Variants in SH2D5 observed in about 807,000 individuals in gnomAD.
The protein encoded by SH2D5 is SH2 domain-containing protein 5.
In SH2D5, 45 loss-of-function variants were observed where a neutral mutation model predicts 48.2. The observed-to-expected ratio is 0.93, with a 90% CI of 0.73 to 1.20. The LOEUF (loss-of-function observed/expected upper bound fraction) is 1.20. SH2D5 is among the 50% of genes most tolerant of loss of function. SH2D5 has a pLI of 0.00. For missense variants in SH2D5, 538 were observed against 584.1 expected, an observed-to-expected ratio of 0.92 and a Z score of 0.81; for synonymous variants, 230 against 249.8, an observed-to-expected ratio of 0.92 and a Z score of 0.75.
At position 20,726,993 on chromosome 1, in the gene SH2D5, G is replaced by A. The variant is rs754179213; in HGVS notation, c.243+8C>T. The A allele has an allele frequency of 4.4e-6, 7 of 1,608,198 alleles. No homozygotes were observed. The highest frequency in any genetic ancestry group is 1.6e-4 in the Middle Eastern group (1 of 6,064). On this transcript the variant is annotated splice_region_variant and intron_variant, in intron 4 of 9. Coordinates refer to ENST00000444387, the MANE Select transcript of SH2D5 (RefSeq NM_001103161.2). ...CCAGTCCTCACCTGCACCCACAGGG[G>A]TTCCTACCTCACCCTCCCCGCTGTA...
intron 8 of SH2D5, 51 bp from the exon 9 acceptor site, chr1:20,722,966 T>C: frequency 1.4e-6 from 2 of 1,448,866 alleles, no homozygotes; most frequent in East Asian, 2.6e-5. Context: ...TCCTGGGCAA[T>C]GGTCATGAGG....
chr1:20,727,726 C>G, intron 2 of SH2D5, 123 bp from the exon 3 acceptor site: 1 of 1,023,016 alleles, frequency 9.8e-7, no homozygotes, highest in Non-Finnish European at 1.4e-6. Flanking sequence ...ACAGACAGAG[C>G]TCGATTCTCG....
intron 6 of SH2D5, 36 bp downstream of exon 6, chr1:20,724,360 G>A (rs770223620): frequency 1.2e-6 from 2 of 1,607,072 alleles, no homozygotes; most frequent in Non-Finnish European, 1.7e-6. Flanking sequence ...CAGTTCCCTT[G>A]TCCACTGCCC....
intron 5 of SH2D5, 37 bp downstream of exon 5, chr1:20,725,883 G>A: frequency 1.2e-6 from 2 of 1,608,018 alleles, no homozygotes; most frequent in African/African-American, 1.3e-5. Context: ...AGCCCCTCCG[G>A]CCTCCGTGGC....
At position 20,728,820 on chromosome 1, in the gene SH2D5, T is replaced by G. The variant is rs1405897636; in HGVS notation, c.-42-734A>C. On this transcript the variant is annotated intron_variant, in intron 1 of 9. Transcript: ENST00000444387. The surrounding 1 kb of genome is among the most constrained non-coding windows in gnomAD (Gnocchi z 4.3). ...GCAGGAGCTCTGTAGTTCATGAAGG[T>G]GGCTGCAAGCTGGATGGCCAGAGCT... Among the ~76,000 whole-genome samples, 1 of 152,156 alleles carries G rather than the reference T, an allele frequency of 6.6e-6. No individual in the cohort carries two copies. Among genetic ancestry groups the G allele is most frequent in the Non-Finnish European group, 1.5e-5 (1 of 68,010 alleles).
Position 20,732,027 on chromosome 1 carries a change from C to A in SH2D5, c.-43+154G>T, listed in dbSNP as rs962358209. Reference sequence around the variant, plus strand: ...ACCGCCTCTCGAGTCCGGTCCCGGCCGCTCCGGCCCGCGACCCCCGCGTCT... The same window carrying A: ...ACCGCCTCTCGAGTCCGGTCCCGGCAGCTCCGGCCCGCGACCCCCGCGTCT... On this transcript the variant is annotated intron_variant, in intron 1 of 9. Transcript: ENST00000444387. This position sits in a 1 kb window ranked among gnomAD's most constrained non-coding sequence, Gnocchi z 5.1. 2.6e-5 allele frequency among the ~76,000 whole-genome samples: 4 copies of A among 151,100 alleles called. No homozygotes were observed. Among genetic ancestry groups the A allele is most frequent in the Non-Finnish European group, 4.4e-5 (3 of 67,572 alleles).
Position 20,724,377 on chromosome 1 carries a change from T to C in SH2D5, c.630+19A>G. On this transcript the variant is annotated intron_variant, in intron 6 of 9. Coordinates refer to ENST00000444387, the MANE Select transcript of SH2D5 (RefSeq NM_001103161.2). Reference sequence around the variant, plus strand: ...GTTCCCTTGTCCACTGCCCACTCCTTGGCTGGGGTGCTGCGTACCCCACTG... The same window carrying C: ...GTTCCCTTGTCCACTGCCCACTCCTCGGCTGGGGTGCTGCGTACCCCACTG... 1 of 1,610,738 alleles carries C rather than the reference T, an allele frequency of 6.2e-7. No individual in the cohort carries two copies. The highest frequency in any genetic ancestry group is 8.5e-7 in the Non-Finnish European group (1 of 1,178,600).
chr1:20,727,984 G>T lies in SH2D5; in HGVS notation c.61C>A (p.Pro21Thr). 6.4e-7 allele frequency: 1 copy of T among 1,572,262 alleles called. No homozygotes were observed. Among genetic ancestry groups the T allele is most frequent in the East Asian group, 2.3e-5 (1 of 42,646 alleles). ...TGGGCAAACTTGGTGATGCACCTGG[G>T]CCGGTGAGGGGCCAGCCCGCAGTCA... ...ASDCGLAPHRPRCITKFAQYV... is the reference protein window; with the variant it reads ...ASDCGLAPHRTRCITKFAQYV... Residue 21 changes from proline (P) to threonine (T), a missense_variant, in exon 2 of 10, where the codon CCC (proline) becomes ACC (threonine). Pro to Thr is a conservative substitution (Grantham distance 38). Coordinates refer to ENST00000444387, the MANE Select transcript of SH2D5 (RefSeq NM_001103161.2).
At chr1:20,725,211 C>T (rs781509063) in intron 5 of SH2D5, among the ~76,000 whole-genome samples, 7 of 152,262 alleles carry the variant, frequency 4.6e-5, no homozygotes, top group South Asian at 2.1e-4. Context: ...CCAGACCCAA[C>T]GAGTTAGAAC....
chr1:20,724,724 G>C, intron 5 of SH2D5, 89 bp from the exon 6 acceptor site: 1 of 1,410,752 alleles, frequency 7.1e-7, no homozygotes, highest in Middle Eastern at 2.2e-4. Context: ...CACCATGGGT[G>C]CATGCAGCCC....
At chr1:20,724,290 G>C (rs2054750400) in intron 6 of SH2D5, 39 bp from the exon 7 acceptor site, 2 of 1,608,084 alleles carry the variant, frequency 1.2e-6, no homozygotes, top group African/African-American at 2.7e-5. Context: ...GGCAGACTCA[G>C]GTCTAGCCAT....
At position 20,729,862 on chromosome 1, in the gene SH2D5, C is replaced by T. The variant is rs542833792; in HGVS notation, c.-42-1776G>A. Among the ~76,000 whole-genome samples the T allele has an allele frequency of 6.6e-6, 1 of 152,366 alleles. No individual in the cohort carries two copies. The highest frequency in any genetic ancestry group is 2.4e-5 in the African/African-American group (1 of 41,578). Reference sequence around the variant, plus strand: ...AGCCAGAAAAAAAATGCTGCACCTGCACCATCCCCTTGAGAATTCCTGGCG... The same window carrying T: ...AGCCAGAAAAAAAATGCTGCACCTGTACCATCCCCTTGAGAATTCCTGGCG... On this transcript the variant is annotated intron_variant, in intron 1 of 9. Coordinates refer to ENST00000444387, the MANE Select transcript of SH2D5 (RefSeq NM_001103161.2). This position sits in a 1 kb window ranked among gnomAD's most constrained non-coding sequence, Gnocchi z 4.2.
At chr1:20,722,950 C>T (rs756710756) in intron 8 of SH2D5, 35 bp from the exon 9 acceptor site, 7 of 1,498,400 alleles carry the variant, frequency 4.7e-6, no homozygotes, top group Middle Eastern at 1.8e-4. Flanking sequence ...AAAGGCTGGA[C>T]TGCTCTCCTG....
In SH2D5 at chr1:20,726,037, G is replaced by A. The variant is rs2054792043; in HGVS notation, c.273C>T (p.Arg91=). The A allele has an allele frequency of 1.2e-6, 2 of 1,609,062 alleles. No individual in the cohort carries two copies. Among genetic ancestry groups the A allele is most frequent in the East Asian group, 4.5e-5 (2 of 44,740 alleles). ...EVLLMAHALR[R]ILYSTWCPAD... ...CAGGGCACCAGGTGGAGTAGAGTAT[G>A]CGCCTCAGGGCATGAGCCATCAGCA... The change falls in exon 5 of 10, where the codon CGC becomes CGT. Residue 91 remains arginine, a synonymous_variant. Transcript: ENST00000444387.
chr1:20,723,717 C>G lies in SH2D5; in HGVS notation c.817G>C (p.Ala273Pro). ...AREAFPAAWE[A>P]WPRGPGGHSC... ...TGGCCACCAGGACCCCGGGGCCATG[C>G]CTCCCATGCGGCAGGAACTGTGGAG... The change falls in exon 8 of 10, where the codon GCA becomes CCA. Residue 273 changes from alanine (A) to proline (P), a missense_variant. Ala to Pro is a conservative substitution (Grantham distance 27). Coordinates refer to ENST00000444387, the MANE Select transcript of SH2D5 (RefSeq NM_001103161.2). 6.2e-7 allele frequency: 1 copy of G among 1,612,864 alleles called. No homozygotes were observed. The highest frequency in any genetic ancestry group is 1.1e-5 in the South Asian group (1 of 91,054).
At chr1:20,731,767 C>A (rs117901704) in intron 1 of SH2D5, among the ~76,000 whole-genome samples, 8,923 of 152,082 alleles carry the variant, frequency 0.059, 566 homozygotes, top group East Asian at 0.38. Context: ...AGTGGGCTGC[C>A]GGTCCCGCTG....
chr1:20,727,872 T>C, intron 2 of SH2D5, 86 bp downstream of exon 2: 1 of 1,121,032 alleles, frequency 8.9e-7, no homozygotes, highest in Non-Finnish European at 1.3e-6. Context: ...AAATAGGTCC[T>C]AGGCCCGCAG....
chr1:20,725,827 C>T (rs566179557), intron 5 of SH2D5, 93 bp downstream of exon 5: 14 of 1,506,490 alleles, frequency 9.3e-6, no homozygotes, highest in East Asian at 2.3e-5. Context: ...GGGATCAGGC[C>T]GCCCTGGCAA....
rs1168825540 is a variant in SH2D5 at position 20,719,966 on chromosome 1, T to C, written c.*1826A>G. 1 of 152,242 alleles carries C rather than the reference T, an allele frequency of 6.6e-6. No homozygotes were observed. Among genetic ancestry groups the C allele is most frequent in the Admixed American group, 6.5e-5 (1 of 15,280 alleles). The allele number at this position is 152,242 out of a possible 1,614,324, so 9.4% of individuals were successfully genotyped here. On this transcript the variant is annotated 3_prime_UTR_variant, in exon 10 of 10. Transcript: ENST00000444387. ...TTCAGTGTGCTAAACATGGCCCTGA[T>C]AGCTTCTCCACACAGGTAATTCACC... is the stretch of plus-strand genomic sequence containing the variant.
Sources: gnomAD v4.1 joint callset for allele counts (sites outside exome capture counted in the v4.1 genomes callset) on GRCh38, gnomAD v4.1.1 for gene constraint, Gnocchi (gnomAD v3.1) non-coding constraint, MANE v1.5 for transcripts, NCBI Gene and HGNC (gene_info 2026-07-23, HGNC 2026-07-21) for gene names.